The following GPR139 variants were observed in gnomAD, a reference collection of about 807,000 sequenced individuals.
GPR139 encodes probable G protein-coupled receptor 139.
GPR139 carries 12 observed loss-of-function variants against 25.8 expected under a neutral mutation model. That is an observed-to-expected ratio of 0.47 (90% CI 0.30 to 0.75). The LOEUF is 0.75. Among genes scored for constraint, GPR139 ranks in the 30% least tolerant of loss-of-function variants. GPR139 has a pLI of 0.07. For synonymous variants in GPR139, 184 were observed against 179.9 expected (o/e 1.02, Z -0.18); for missense variants, 380 against 450.2 (o/e 0.84, Z 1.41).
intron 1 of GPR139, among the ~76,000 whole-genome samples, chr16:20,042,538 A>T (rs993180289): frequency 6.6e-6 from 1 of 152,128 alleles, no homozygotes; most frequent in Non-Finnish European, 1.5e-5. Context: ...GGAGAATAAC[A>T]TTGGTCATTA....
Position 20,032,438 on chromosome 16 carries a change from A to G in GPR139, c.359T>C (p.Val120Ala). 1 of 1,614,232 alleles carries G rather than the reference A, an allele frequency of 6.2e-7. No individual in the cohort carries two copies. The highest frequency in any genetic ancestry group is 8.5e-7 in the Non-Finnish European group (1 of 1,180,030). Residue 120 changes from valine to alanine, a missense_variant, in exon 2 of 2, where the codon GTA becomes GCA. By Grantham distance (64) the Val-to-Ala change is moderately conservative (BLOSUM62 0). Transcript: ENST00000570682. ...SSIHTSIWIT[V>A]PLTIDRYIAV... ...GATATACCTGTCAATGGTTAACGGT[A>G]CAGTAATCCATATGGAGGTGTGGAT...
intron 1 of GPR139, among the ~76,000 whole-genome samples, chr16:20,044,996 T>A: frequency 5.9e-4 from 1 of 1,690 alleles, no homozygotes; most frequent in Admixed American, 0.016. Flanking sequence ...CTTGCACTAT[T>A]TTTTTTTTTT....
intron 1 of GPR139, among the ~76,000 whole-genome samples, chr16:20,034,843 G>A (rs2057304469): frequency 6.6e-6 from 1 of 152,036 alleles, no homozygotes; most frequent in Non-Finnish European, 1.5e-5. Context: ...TTTGCTGTAG[G>A]AACTTACTGA....
chr16:20,028,665 C>G lies in GPR139; in HGVS notation c.*3070G>C, dbSNP rs916244794. Among the ~76,000 whole-genome samples the G allele has an allele frequency of 6.6e-6, 1 of 152,172 alleles. No individual in the cohort carries two copies. Among genetic ancestry groups the G allele is most frequent in the African/African-American group, 2.4e-5 (1 of 41,430 alleles). On this transcript the variant is annotated 3_prime_UTR_variant, in exon 2 of 2. Transcript: ENST00000570682. ...CAAGTTCGTGCCCACTCCGGTCTGT[C>G]TTTTATGGTTTGTCTGTCATTCCCC... is the stretch of plus-strand genomic sequence containing the variant.
chr16:20,068,919 A>T (rs2057448021), intron 1 of GPR139, among the ~76,000 whole-genome samples: 2 of 151,600 alleles, frequency 1.3e-5, no homozygotes, highest in African/African-American at 4.9e-5. Context: ...ATGATGAGTT[A>T]TACTGAGTGA....
rs148536653 is a variant in GPR139, at chr16:20,037,611, A to G, written c.128-4942T>C. 7.2e-5 allele frequency among the ~76,000 whole-genome samples: 11 copies of G among 152,292 alleles called. No homozygotes were observed. In the East Asian group the frequency reaches 1.9e-3, roughly 27 times the overall value. Reference sequence around the variant, plus strand: ...CATAGAACAGAGAGACATGAGAACGATTTCCCATTTTACACATGAGGAAAC... The same window carrying G: ...CATAGAACAGAGAGACATGAGAACGGTTTCCCATTTTACACATGAGGAAAC... On this transcript the variant is annotated intron_variant, in intron 1 of 1. Coordinates refer to ENST00000570682, the MANE Select transcript of GPR139 (RefSeq NM_001002911.4).
chr16:20,031,006 C>A lies in GPR139; in HGVS notation c.*729G>T, dbSNP rs1292930902. ...CGAGAATTCCTCCTTTCCCCCTGCG[C>A]ACCAGGCAGGGTCTTTGTTTTGGAG... On this transcript the variant is annotated 3_prime_UTR_variant, in exon 2 of 2. Coordinates refer to ENST00000570682, the MANE Select transcript of GPR139 (RefSeq NM_001002911.4). Among the ~76,000 whole-genome samples the A allele has an allele frequency of 6.6e-6, 1 of 152,106 alleles. No individual in the cohort carries two copies. Among genetic ancestry groups the A allele is most frequent in the Non-Finnish European group, 1.5e-5 (1 of 68,032 alleles).
Position 20,032,184 on chromosome 16 carries a change from T to G in GPR139, c.613A>C (p.Ile205Leu). ...PCSIFFILNSIIVYKLRRKSN... is the reference protein window; with the variant it reads ...PCSIFFILNSLIVYKLRRKSN... Reference sequence around the variant, plus strand: ...TTCCTCCTGAGCTTGTACACAATGATTGAGTTCAAGATGAAGAAGATGGAG... The same window carrying G: ...TTCCTCCTGAGCTTGTACACAATGAGTGAGTTCAAGATGAAGAAGATGGAG... Residue 205 changes from isoleucine (I) to leucine (L), a missense_variant, in exon 2 of 2, where the codon ATC (isoleucine) becomes CTC (leucine). Transcript: ENST00000570682. 6.2e-7 allele frequency: 1 copy of G among 1,614,060 alleles called. No individual in the cohort carries two copies. Among genetic ancestry groups the G allele is most frequent in the Non-Finnish European group, 8.5e-7 (1 of 1,180,016 alleles).
chr16:20,037,189 C>T (rs1043358847), intron 1 of GPR139, among the ~76,000 whole-genome samples: 6 of 152,116 alleles, frequency 3.9e-5, no homozygotes, highest in East Asian at 3.9e-4. Flanking sequence ...CTGTGGCTCA[C>T]GCCTGTAATC....
rs1443065550 is a variant in GPR139 at position 20,029,093 on chromosome 16, T to C, written c.*2642A>G. The stretch of plus-strand genomic sequence containing the variant: ...ATCAACCTAACCCAATGGGCATTCA[T>C]TTGCATTTTAAGCAGAAGACAGCAA... On this transcript the variant is annotated 3_prime_UTR_variant, in exon 2 of 2. Coordinates refer to ENST00000570682, the MANE Select transcript of GPR139 (RefSeq NM_001002911.4). Among the ~76,000 whole-genome samples, 1 of 152,188 alleles carries C rather than the reference T, an allele frequency of 6.6e-6. No homozygotes were observed. The highest frequency in any genetic ancestry group is 1.5e-5 in the Non-Finnish European group (1 of 68,038).
chr16:20,037,735 T>C (rs2141202137), intron 1 of GPR139, among the ~76,000 whole-genome samples: 1 of 152,280 alleles, frequency 6.6e-6, no homozygotes, highest in Admixed American at 6.5e-5. Flanking sequence ...CTGTCTGACT[T>C]TCTGTCTTAA....
intron 1 of GPR139, among the ~76,000 whole-genome samples, chr16:20,059,406 C>T (rs1482211505): frequency 6.6e-6 from 1 of 152,184 alleles, no homozygotes; most frequent in African/African-American, 2.4e-5. Flanking sequence ...CCTCACTGGT[C>T]TTTCGTGCCA....
intron 1 of GPR139, among the ~76,000 whole-genome samples, chr16:20,067,932 G>A (rs751204698): frequency 3.9e-4 from 60 of 151,908 alleles, no homozygotes; most frequent in Middle Eastern, 3.4e-3. Context: ...GAAAGCCATC[G>A]TGGATGATTA....
At chr16:20,056,705 A>G (rs2057389387) in intron 1 of GPR139, among the ~76,000 whole-genome samples, 1 of 152,242 alleles carries the variant, frequency 6.6e-6, no homozygotes, top group South Asian at 2.1e-4. Context: ...AGTCTGGCAC[A>G]TAATAGGTGG....
intron 1 of GPR139, among the ~76,000 whole-genome samples, chr16:20,039,859 A>T (rs1046696855): frequency 6.6e-6 from 1 of 152,202 alleles, no homozygotes; most frequent in Non-Finnish European, 1.5e-5. Context: ...CCTGGTACAC[A>T]TGCCTCTAGG....
Position 20,038,941 on chromosome 16 carries a change from A to G in GPR139, c.128-6272T>C, listed in dbSNP as rs184867552. Among the ~76,000 whole-genome samples the G allele has an allele frequency of 5.3e-4, 81 of 152,272 alleles. No individual in the cohort carries two copies. In the East Asian group the frequency reaches 0.016, roughly 29 times the overall value. On this transcript the variant is annotated intron_variant, in intron 1 of 1. Transcript: ENST00000570682. ...GAAACCGAAGTTCTCACTGCCTGAA[A>G]TTCCATTTCTGAGCTTTCCTGTCAA... is the stretch of plus-strand genomic sequence containing the variant.
intron 1 of GPR139, among the ~76,000 whole-genome samples, chr16:20,068,520 T>G (rs2057445312): frequency 6.6e-6 from 1 of 152,172 alleles, no homozygotes; most frequent in Admixed American, 6.5e-5. Flanking sequence ...GTGTGGAGTC[T>G]TTGTGATTTT....
intron 1 of GPR139, among the ~76,000 whole-genome samples, chr16:20,072,599 TTCTC>T (rs140207917): frequency 1.8e-4 from 28 of 151,962 alleles, no homozygotes; most frequent in Admixed American, 5.2e-4. Context: ...GAAAAAAGCT[TTCTC>T]TCTCTCTCGC....
chr16:20,036,668 C>G (rs1392342065), intron 1 of GPR139, among the ~76,000 whole-genome samples: 1 of 152,204 alleles, frequency 6.6e-6, no homozygotes, highest in Non-Finnish European at 1.5e-5. Context: ...CATGATTCAA[C>G]TACCTCCCAC....
Sources: allele counts gnomAD v4.1 joint callset (sites outside exome capture counted in the v4.1 genomes callset), GRCh38; gene constraint gnomAD v4.1.1; transcripts MANE v1.5; gene names NCBI Gene and HGNC (gene_info 2026-07-23, HGNC 2026-07-21).